Variants in LHFPL3 observed in about 807,000 individuals in gnomAD.
The protein encoded by LHFPL3 is LHFPL tetraspan subfamily member 3 protein.
Under a neutral mutation model 19.3 loss-of-function variants are expected in LHFPL3, and 5 were observed. That is an observed-to-expected ratio of 0.26 (90% CI 0.14 to 0.54). The LOEUF is 0.54. Ranked by LOEUF, LHFPL3 falls within the 20% of genes least tolerant of loss-of-function variation. The pLI, the probability that LHFPL3 is intolerant of heterozygous loss-of-function variation, is 0.94. For synonymous variants in LHFPL3, 133 were observed against 126.2 expected, an observed-to-expected ratio of 1.05 and a Z score of -0.36; for missense variants, 249 against 307.4, an observed-to-expected ratio of 0.81 and a Z score of 1.42.
intron 2 of LHFPL3, among the ~76,000 whole-genome samples, chr7:104,863,208 T>G (rs926383572): frequency 6.6e-6 from 1 of 152,218 alleles, no homozygotes; most frequent in Non-Finnish European, 1.5e-5. Flanking sequence ...ACTTATCTCT[T>G]TCATCTCAAA....
intron 1 of LHFPL3, among the ~76,000 whole-genome samples, chr7:104,344,370 A>G (rs1790023306): frequency 6.6e-6 from 1 of 152,156 alleles, no homozygotes; most frequent in South Asian, 2.1e-4. Context: ...CCCGAGTTGT[A>G]TACATTGTGC....
At chr7:104,734,187 A>T (rs957404379) in intron 1 of LHFPL3, among the ~76,000 whole-genome samples, 4 of 152,214 alleles carry the variant, frequency 2.6e-5, no homozygotes, top group African/African-American at 9.6e-5. Context: ...GACTCTGACA[A>T]TTATGTATCT....
intron 1 of LHFPL3, among the ~76,000 whole-genome samples, chr7:104,597,427 T>G (rs1200753804): frequency 6.6e-6 from 1 of 152,212 alleles, no homozygotes; most frequent in African/African-American, 2.4e-5. Context: ...ACTGATCCCT[T>G]TGATTAAAGC....
At chr7:104,388,792 T>C (rs1171942365) in intron 1 of LHFPL3, among the ~76,000 whole-genome samples, 1 of 151,662 alleles carries the variant, frequency 6.6e-6, no homozygotes, top group Non-Finnish European at 1.5e-5. Flanking sequence ...CTTTCATAGA[T>C]GCAGGAATAG....
At chr7:104,689,285 A>T (rs1024784192) in intron 1 of LHFPL3, among the ~76,000 whole-genome samples, 5 of 152,160 alleles carry the variant, frequency 3.3e-5, no homozygotes, top group Non-Finnish European at 7.4e-5. Context: ...AGGTGGGTGT[A>T]GTTACCACAG....
chr7:104,620,270 T>A (rs1791420977), intron 1 of LHFPL3, among the ~76,000 whole-genome samples: 1 of 152,240 alleles, frequency 6.6e-6, no homozygotes. Flanking sequence ...CAGAGGGCAC[T>A]GAGAGGTCTA....
intron 1 of LHFPL3, among the ~76,000 whole-genome samples, chr7:104,605,992 G>A (rs1457935096): frequency 6.6e-6 from 1 of 152,060 alleles, no homozygotes; most frequent in Admixed American, 6.6e-5. Context: ...AAAGGCATTG[G>A]TTGGCACAAA....
intron 1 of LHFPL3, among the ~76,000 whole-genome samples, chr7:104,493,578 T>A (rs1413200007): frequency 6.6e-6 from 1 of 152,178 alleles, no homozygotes; most frequent in Non-Finnish European, 1.5e-5. Flanking sequence ...GCTATATTGC[T>A]GGGCCTGCTG....
chr7:104,430,435 T>TATACAC (rs1562895298), intron 1 of LHFPL3, among the ~76,000 whole-genome samples: 8 of 14,244 alleles, frequency 5.6e-4, no homozygotes, highest in African/African-American at 1.3e-3. Context: ...TATATATATA[T>TATACAC]ATATATATAT....
intron 2 of LHFPL3, among the ~76,000 whole-genome samples, chr7:104,754,621 G>T (rs1475561779): frequency 6.6e-6 from 1 of 152,184 alleles, no homozygotes; most frequent in Non-Finnish European, 1.5e-5. Context: ...ACTTAGCTCA[G>T]TGCTTAATAT....
At chr7:104,673,911 A>G (rs2116054274) in intron 1 of LHFPL3, among the ~76,000 whole-genome samples, 1 of 152,340 alleles carries the variant, frequency 6.6e-6, no homozygotes, top group South Asian at 2.1e-4. Context: ...GCTCATCTGC[A>G]TAGTTCATCA....
chr7:104,709,626 ACTT>A (rs1793259168), intron 1 of LHFPL3, among the ~76,000 whole-genome samples: 1 of 151,274 alleles, frequency 6.6e-6, no homozygotes, highest in African/African-American at 2.4e-5. Context: ...TCCCATGTCT[ACTT>A]CTTTCTACAC....
intron 1 of LHFPL3, among the ~76,000 whole-genome samples, chr7:104,685,151 A>T (rs1401960594): frequency 1.3e-5 from 2 of 152,206 alleles, no homozygotes; most frequent in East Asian, 3.9e-4. Flanking sequence ...GATGGAGATC[A>T]TCCTGGCCAA....
intron 1 of LHFPL3, among the ~76,000 whole-genome samples, chr7:104,556,172 G>T (rs1161375256): frequency 6.6e-6 from 1 of 152,156 alleles, no homozygotes; most frequent in Non-Finnish European, 1.5e-5. Context: ...CTATTCTAGG[G>T]TCTGGAGGAC....
Position 104,908,402 on chromosome 7 carries a change from A to C in LHFPL3, c.*2187A>C, listed in dbSNP as rs1792659798. 6.6e-6 allele frequency among the ~76,000 whole-genome samples: 1 copy of C among 152,128 alleles called. No individual in the cohort carries two copies. Among genetic ancestry groups the C allele is most frequent in the African/African-American group, 2.4e-5 (1 of 41,434 alleles). ...AGGTTTTTATCTTTTTAAAAAAAAAACAAAAAAGGTGACTCCCTTTCTCAT... is the reference window on the plus strand; with the variant it reads ...AGGTTTTTATCTTTTTAAAAAAAAACCAAAAAAGGTGACTCCCTTTCTCAT... On this transcript the variant is annotated 3_prime_UTR_variant, in exon 3 of 3. Coordinates refer to ENST00000424859, the MANE Select transcript of LHFPL3 (RefSeq NM_199000.3).
intron 1 of LHFPL3, among the ~76,000 whole-genome samples, chr7:104,552,072 T>C (rs754425186): frequency 2.6e-5 from 4 of 152,202 alleles, no homozygotes; most frequent in Non-Finnish European, 4.4e-5. Context: ...CTACATGCCT[T>C]GGGCAAGTTA....
At chr7:104,698,505 G>T (rs145849699) in intron 1 of LHFPL3, among the ~76,000 whole-genome samples, 1 of 152,094 alleles carries the variant, frequency 6.6e-6, no homozygotes, top group Non-Finnish European at 1.5e-5. Context: ...TGCATCAAAC[G>T]GCACTGTCAA....
intron 1 of LHFPL3, among the ~76,000 whole-genome samples, chr7:104,595,827 T>C (rs1790840057): frequency 6.6e-6 from 1 of 152,238 alleles, no homozygotes; most frequent in African/African-American, 2.4e-5. Context: ...ACTGCTGCAT[T>C]AGCAGTGAGC....
intron 1 of LHFPL3, among the ~76,000 whole-genome samples, chr7:104,560,487 C>T (rs1399006449): frequency 6.1e-5 from 9 of 147,794 alleles, no homozygotes; most frequent in African/African-American, 1.5e-4. Flanking sequence ...TGTAGTATTC[C>T]CTGATGGTAG....
Sources: allele counts gnomAD v4.1 joint callset (sites outside exome capture counted in the v4.1 genomes callset), GRCh38; gene constraint gnomAD v4.1.1; transcripts MANE v1.5; gene names NCBI Gene and HGNC (gene_info 2026-07-23, HGNC 2026-07-21).